Variants in DENND2A observed in about 807,000 individuals in gnomAD.
DENND2A encodes the protein DENN domain-containing protein 2A.
Under a neutral mutation model 105.3 loss-of-function variants are expected in DENND2A, and 53 were observed. That is an observed-to-expected ratio of 0.50 (90% CI 0.40 to 0.63). DENND2A has a LOEUF of 0.63. DENND2A is among the 30% of genes least tolerant of loss of function. DENND2A has a pLI of 0.00. For synonymous variants in DENND2A, 522 were observed against 508.4 expected (o/e 1.03, Z -0.36); for missense variants, 1,138 against 1,279.6 (o/e 0.89, Z 1.69).
chr7:140,523,670 C>T lies in DENND2A; in HGVS notation c.2548-246G>A, dbSNP rs1420045728. Among the ~76,000 whole-genome samples the T allele has an allele frequency of 2.6e-5, 4 of 152,056 alleles. No homozygotes were observed. The highest frequency in any genetic ancestry group is 2.0e-4 in the Admixed American group (3 of 15,258). On this transcript the variant is annotated intron_variant, in intron 16 of 19. Transcript: ENST00000496613. The surrounding 1 kb of genome is among the most constrained non-coding windows in gnomAD (Gnocchi z 4.5). Reference sequence around the variant, plus strand: ...TTGGCTCACTGCAACCTCTGCCTCCCGGATTCAAGCAATTCTGCCTCAGCC... The same window carrying T: ...TTGGCTCACTGCAACCTCTGCCTCCTGGATTCAAGCAATTCTGCCTCAGCC...
rs755347219 is a variant in DENND2A at position 140,602,054 on chromosome 7, A to T, written c.344T>A (p.Val115Glu). 1 of 1,614,026 alleles carries T rather than the reference A, an allele frequency of 6.2e-7. No homozygotes were observed. Among genetic ancestry groups the T allele is most frequent in the Admixed American group, 1.7e-5 (1 of 60,010 alleles). ...CTCTGGGTCCTGTCCCCCGACGTTCACTGCTCCTTTATTCCTCTCCTTCTC... is the reference window on the plus strand; with the variant it reads ...CTCTGGGTCCTGTCCCCCGACGTTCTCTGCTCCTTTATTCCTCTCCTTCTC... Reference protein sequence around the residue: ...STEKERNKGAVNVGGQDPEPG... With the variant: ...STEKERNKGAENVGGQDPEPG... The change falls in exon 3 of 20, where the codon GTG becomes GAG. Residue 115 changes from valine (V) to glutamate (E), a missense_variant. Val to Glu is a moderately radical substitution (Grantham distance 121). Transcript: ENST00000496613.
intron 1 of DENND2A, among the ~76,000 whole-genome samples, chr7:140,607,503 C>T (rs1462291345): frequency 6.6e-6 from 1 of 152,194 alleles, no homozygotes; most frequent in Admixed American, 6.5e-5. Context: ...AGCAACTCAG[C>T]ACCAGACATT....
Position 140,613,251 on chromosome 7 carries a change from C to T in DENND2A, c.-247-7445G>A, listed in dbSNP as rs1799965131. Among the ~76,000 whole-genome samples, 4 of 151,780 alleles carry T rather than the reference C, an allele frequency of 2.6e-5. No individual in the cohort carries two copies. In the South Asian group the frequency reaches 8.4e-4, roughly 32 times the overall value. On this transcript the variant is annotated intron_variant, in intron 1 of 19. Transcript: ENST00000496613. ...AGCTATAATCGCACCTGTGAATAGC[C>T]ACTGCAGGCTGAGTGCAGTGGCTCA...
chr7:140,602,508 G>A lies in DENND2A; in HGVS notation c.-111C>T. ...GAGGACTAAAGTGGATGCCTTCGAG[G>A]GTCTTTCTCAGTCCTTGGACCTTCC... On this transcript the variant is annotated 5_prime_UTR_variant, in exon 3 of 20. Coordinates refer to ENST00000496613, the MANE Select transcript of DENND2A (RefSeq NM_015689.5). 8.1e-7 allele frequency: 1 copy of A among 1,240,520 alleles called. No homozygotes were observed. Among genetic ancestry groups the A allele is most frequent in the African/African-American group, 1.5e-5 (1 of 66,052 alleles). The allele number at this position is 1,240,520 out of a possible 1,614,324, so 76.8% of individuals were successfully genotyped here.
intron 9 of DENND2A, among the ~76,000 whole-genome samples, chr7:140,560,403 G>C (rs1197364898): frequency 6.6e-6 from 1 of 152,170 alleles, no homozygotes; most frequent in East Asian, 1.9e-4. Flanking sequence ...CTGGTCACAT[G>C]AGTTAATGTT....
intron 3 of DENND2A, among the ~76,000 whole-genome samples, chr7:140,600,922 A>G (rs1241987324): frequency 2.0e-5 from 3 of 152,254 alleles, no homozygotes; most frequent in African/African-American, 7.2e-5. Flanking sequence ...AAATATTCAC[A>G]GTGCGTGCAT....
chr7:140,573,464 C>T (rs912546544), intron 6 of DENND2A, among the ~76,000 whole-genome samples: 10 of 152,176 alleles, frequency 6.6e-5, no homozygotes, highest in South Asian at 2.1e-4. Flanking sequence ...CAGCGGGTGT[C>T]GACCGTCTCA....
chr7:140,601,671 A>T lies in DENND2A; in HGVS notation c.727T>A (p.Trp243Arg), dbSNP rs1325748197. ...TACACGTTCTCAAGGCTCCGGTCCC[A>T]GGGCCTTCTGCATGAACCTTTCCTG... Reference protein sequence around the residue: ...EDRKGSCRRPWDRSLENVYRG... With the variant: ...EDRKGSCRRPRDRSLENVYRG... The change falls in exon 3 of 20, where the codon TGG (tryptophan) becomes AGG (arginine). Residue 243 changes from tryptophan to arginine, a missense_variant. Trp to Arg is a moderately radical substitution (Grantham distance 101). Transcript: ENST00000496613. 6.2e-7 allele frequency: 1 copy of T among 1,613,596 alleles called. No homozygotes were observed. Among genetic ancestry groups the T allele is most frequent in the East Asian group, 2.2e-5 (1 of 44,842 alleles).
intron 1 of DENND2A, among the ~76,000 whole-genome samples, chr7:140,634,646 G>A (rs1478595678): frequency 1.3e-5 from 2 of 152,052 alleles, no homozygotes; most frequent in East Asian, 1.9e-4. Context: ...CAAGGCCAGC[G>A]GATCACTTGA....
At chr7:140,562,296 C>CAG (rs762532147) in intron 9 of DENND2A, among the ~76,000 whole-genome samples, 84 of 152,232 alleles carry the variant, frequency 5.5e-4, no homozygotes, top group Non-Finnish European at 9.1e-4. Context: ...CACCATGTGT[C>CAG]AGAGAGAGGA....
intron 9 of DENND2A, among the ~76,000 whole-genome samples, chr7:140,564,619 T>C (rs1158501348): frequency 6.6e-6 from 1 of 152,184 alleles, no homozygotes; most frequent in Non-Finnish European, 1.5e-5. Context: ...TCTTTCCTAA[T>C]ACATTTCTGG....
intron 14 of DENND2A, among the ~76,000 whole-genome samples, chr7:140,530,955 CT>C (rs1332730948): frequency 1.3e-5 from 2 of 152,202 alleles, no homozygotes; most frequent in African/African-American, 2.4e-5. Context: ...TGGTCTCGAA[CT>C]CCTGACCTCA....
chr7:140,625,955 T>C (rs988928431), intron 1 of DENND2A, among the ~76,000 whole-genome samples: 2 of 152,198 alleles, frequency 1.3e-5, no homozygotes, highest in Non-Finnish European at 2.9e-5. Context: ...GCACTTACTA[T>C]TCCCTAAGCA....
At chr7:140,635,294 G>A (rs1427987701) in intron 1 of DENND2A, among the ~76,000 whole-genome samples, 1 of 151,992 alleles carries the variant, frequency 6.6e-6, no homozygotes. Flanking sequence ...AAATAAATAA[G>A]TAAATGTTTT....
intron 2 of DENND2A, among the ~76,000 whole-genome samples, chr7:140,605,269 C>G (rs550584070): frequency 4.5e-4 from 68 of 152,230 alleles, no homozygotes; most frequent in African/African-American, 1.6e-3. Flanking sequence ...TGGCTGCCAA[C>G]TGCTTTGTGG....
At chr7:140,607,124 C>T (rs1799718187) in intron 1 of DENND2A, among the ~76,000 whole-genome samples, 1 of 152,152 alleles carries the variant, frequency 6.6e-6, no homozygotes. Flanking sequence ...CAGGGAAGCC[C>T]TCTCCCAACT....
chr7:140,587,609 C>T lies in DENND2A; in HGVS notation c.1123+44G>A, dbSNP rs748316499. On this transcript the variant is annotated intron_variant, in intron 4 of 19. Coordinates refer to ENST00000496613, the MANE Select transcript of DENND2A (RefSeq NM_015689.5). ...CAGCCCCATTCTCCCTCCCCTTTCT[C>T]CCAGACAGACTCAGATCCGCACACA... The T allele has an allele frequency of 2.5e-6, 4 of 1,610,884 alleles. No homozygotes were observed. In the South Asian group the frequency reaches 4.4e-5, roughly 18 times the overall value.
At chr7:140,551,642 T>C (rs1196935935) in intron 12 of DENND2A, among the ~76,000 whole-genome samples, 1 of 152,152 alleles carries the variant, frequency 6.6e-6, no homozygotes, top group Non-Finnish European at 1.5e-5. Flanking sequence ...GGAGAACAAA[T>C]GATTGAATCT....
intron 14 of DENND2A, among the ~76,000 whole-genome samples, chr7:140,539,898 G>A (rs1310723738): frequency 1.3e-5 from 2 of 152,228 alleles, no homozygotes; most frequent in African/African-American, 4.8e-5. Context: ...ATTGGGCAGC[G>A]GGGAGAGCAT....
Sources: gnomAD v4.1 joint callset for allele counts (sites outside exome capture counted in the v4.1 genomes callset) on GRCh38, gnomAD v4.1.1 for gene constraint, Gnocchi (gnomAD v3.1) non-coding constraint, MANE v1.5 for transcripts, NCBI Gene and HGNC (gene_info 2026-07-23, HGNC 2026-07-21) for gene names.